PTPN13: variants seen among roughly 807,000 people sequenced by gnomAD.
The protein encoded by PTPN13 is protein tyrosine phosphatase non-receptor type 13.
A neutral mutation model predicts 284.0 loss-of-function variants in PTPN13; 191 were observed. The observed-to-expected ratio is 0.67, with a 90% CI of 0.60 to 0.76. The LOEUF (loss-of-function observed/expected upper bound fraction) is 0.76, where lower values mean the gene tolerates loss of function less well. Among genes scored for constraint, PTPN13 ranks in the 30% least tolerant of loss-of-function variants. PTPN13 has a pLI of 0.00. For missense variants in PTPN13, 2,797 were observed against 2,939.9 expected, an observed-to-expected ratio of 0.95 and a Z score of 1.12; for synonymous variants, 986 against 1,022.3, an observed-to-expected ratio of 0.96 and a Z score of 0.68.
At chr4:86,785,181 C>T (rs775524047) in intron 38 of PTPN13, 50 bp from the exon 39 acceptor site, 8 of 1,356,280 alleles carry the variant, frequency 5.9e-6, no homozygotes, top group East Asian at 2.6e-5. Flanking sequence ...GTCCCTTTCT[C>T]GTGTCAATAT....
At chr4:86,716,473 T>A in intron 7 of PTPN13, 57 bp from the exon 8 acceptor site, 1 of 1,004,368 alleles carries the variant, frequency 1.0e-6, no homozygotes, top group Non-Finnish European at 1.5e-6. Context: ...AATATTTTGA[T>A]TTATGTGGAA....
At chr4:86,637,211 C>A (rs1408399400) in intron 2 of PTPN13, among the ~76,000 whole-genome samples, 3 of 151,716 alleles carry the variant, frequency 2.0e-5, no homozygotes, top group Non-Finnish European at 4.4e-5. Flanking sequence ...AAAAAGAGTC[C>A]AGGACCAGAT....
chr4:86,728,371 C>T (rs1734528157), intron 10 of PTPN13, among the ~76,000 whole-genome samples: 1 of 148,812 alleles, frequency 6.7e-6, no homozygotes, highest in African/African-American at 2.5e-5. Flanking sequence ...GGATATCCTT[C>T]TTAACCTTCT....
rs1028045623 is a variant in PTPN13 at position 86,745,265 on chromosome 4, A to G, written c.2650+137A>G. ...GTTAAATAGCTAAATCAAGTCTATA[A>G]AGGTGTTACAAGTGAAGCCAATATT... On this transcript the variant is annotated intron_variant, in intron 17 of 47. Coordinates refer to ENST00000411767, the MANE Select transcript of PTPN13 (RefSeq NM_080683.3). The G allele has an allele frequency of 8.6e-6, 7 of 812,350 alleles. No homozygotes were observed. In the African/African-American group the frequency reaches 1.0e-4, roughly 12 times the overall value. 50.3% of individuals were successfully genotyped at this position (812,350 alleles called of 1,614,324 possible).
chr4:86,814,412 C>A, intron 47 of PTPN13, 44 bp from the exon 48 acceptor site: 1 of 1,203,526 alleles, frequency 8.3e-7, no homozygotes, highest in Non-Finnish European at 1.2e-6. Flanking sequence ...ATAATATTTA[C>A]ATTATACATC....
chr4:86,735,600 G>C lies in PTPN13; in HGVS notation c.2158G>C (p.Gly720Arg). 2.5e-6 allele frequency: 4 copies of C among 1,611,166 alleles called. No individual in the cohort carries two copies. Among genetic ancestry groups the C allele is most frequent in the Non-Finnish European group, 3.4e-6 (4 of 1,179,196 alleles). Residue 720 changes from glycine (G) to arginine (R), a missense_variant, in exon 15 of 48, where the codon GGT becomes CGT. Coordinates refer to ENST00000411767, the MANE Select transcript of PTPN13 (RefSeq NM_080683.3). ...AAAACATTCTTTTATCTAGGTTCAT[G>C]GTGTGTCTTACTTTAGAATGGAGCA... ...EYGDYQPEVH[G>R]VSYFRMEHYL...
intron 45 of PTPN13, 129 bp from the exon 46 acceptor site, chr4:86,809,640 G>C: frequency 1.3e-6 from 1 of 784,534 alleles, no homozygotes; most frequent in Non-Finnish European, 2.1e-6. Flanking sequence ...GCAGTGAGCC[G>C]AGATTGCACC....
At chr4:86,618,124 CA>C (rs1207062324) in intron 1 of PTPN13, among the ~76,000 whole-genome samples, 1 of 152,040 alleles carries the variant, frequency 6.6e-6, no homozygotes, top group Non-Finnish European at 1.5e-5. Flanking sequence ...GGAAGGGATC[CA>C]GTTTCAGCTT....
chr4:86,750,351 C>G, intron 17 of PTPN13, 119 bp from the exon 18 acceptor site: 1 of 908,228 alleles, frequency 1.1e-6, no homozygotes, highest in Non-Finnish European at 1.7e-6. Flanking sequence ...TGAAAGCTAC[C>G]TACTTATGCT....
intron 14 of PTPN13, 26 bp downstream of exon 14, chr4:86,734,901 C>G: frequency 6.3e-7 from 1 of 1,598,274 alleles, no homozygotes; most frequent in South Asian, 1.1e-5. Flanking sequence ...TTTTCCAGGA[C>G]CATTTTTGTT....
intron 1 of PTPN13, among the ~76,000 whole-genome samples, chr4:86,630,634 T>C (rs952575366): frequency 6.6e-6 from 1 of 152,166 alleles, no homozygotes; most frequent in African/African-American, 2.4e-5. Flanking sequence ...AAGATGTCCT[T>C]AGCCTGGATG....
At chr4:86,796,384 C>G (rs1357162379) in intron 40 of PTPN13, among the ~76,000 whole-genome samples, 1 of 152,044 alleles carries the variant, frequency 6.6e-6, no homozygotes, top group Non-Finnish European at 1.5e-5. Context: ...CCTGTAATCC[C>G]AACACTTTGG....
At chr4:86,749,376 A>G (rs1438001170) in intron 17 of PTPN13, among the ~76,000 whole-genome samples, 2 of 152,138 alleles carry the variant, frequency 1.3e-5, no homozygotes, top group Non-Finnish European at 2.9e-5. Context: ...TCTTTATAAA[A>G]GGAAGTTTTC....
chr4:86,756,273 G>C (rs1737959085), intron 20 of PTPN13, among the ~76,000 whole-genome samples: 1 of 151,614 alleles, frequency 6.6e-6, no homozygotes, highest in South Asian at 2.1e-4. Context: ...CCCCTTATTT[G>C]TTTTATTTAA....
chr4:86,603,622 A>C (rs1004691120), intron 1 of PTPN13, among the ~76,000 whole-genome samples: 13 of 152,164 alleles, frequency 8.5e-5, no homozygotes, highest in African/African-American at 2.9e-4. Flanking sequence ...TTAACTACAG[A>C]ATTCATAACA....
chr4:86,699,381 A>T (rs1267614900), intron 6 of PTPN13, among the ~76,000 whole-genome samples: 1 of 151,714 alleles, frequency 6.6e-6, no homozygotes, highest in Non-Finnish European at 1.5e-5. Flanking sequence ...GCGAGACTCT[A>T]TCCCCCCTCC....
chr4:86,654,663 A>G (rs1251124794), intron 2 of PTPN13, among the ~76,000 whole-genome samples: 3 of 152,140 alleles, frequency 2.0e-5, no homozygotes, highest in Admixed American at 6.5e-5. Context: ...ACTTCCAACT[A>G]TGTGGTCAAT....
At chr4:86,652,672 G>T (rs2148813335) in intron 2 of PTPN13, among the ~76,000 whole-genome samples, 1 of 152,102 alleles carries the variant, frequency 6.6e-6, no homozygotes, top group Non-Finnish European at 1.5e-5. Context: ...ATTTTCTCTT[G>T]CTGCTTTTAG....
intron 10 of PTPN13, among the ~76,000 whole-genome samples, chr4:86,728,806 T>C (rs548533279): frequency 2.4e-4 from 36 of 147,628 alleles, no homozygotes; most frequent in Non-Finnish European, 2.1e-4. Context: ...ATTTGCCAGT[T>C]TGTGTCTTTT....
Sources: allele counts gnomAD v4.1 joint callset (sites outside exome capture counted in the v4.1 genomes callset), GRCh38; gene constraint gnomAD v4.1.1; transcripts MANE v1.5; gene names NCBI Gene and HGNC (gene_info 2026-07-23, HGNC 2026-07-21).